The following CELF5 variants were observed in gnomAD, a reference collection of about 807,000 sequenced individuals.
CELF5 encodes CUG-BP and ETR-3 like factor 5.
In CELF5, 6 loss-of-function variants were observed where a neutral mutation model predicts 54.9. The ratio of observed to expected loss-of-function variants is 0.11; its 90% CI spans 0.06 to 0.22. The LOEUF is 0.22. Ranked by LOEUF, CELF5 falls within the 10% of genes least tolerant of loss-of-function variation. The pLI is 1.00. For missense variants in CELF5, 401 were observed against 678.6 expected (o/e 0.59, Z 4.54); for synonymous variants, 271 against 290.9 (o/e 0.93, Z 0.70).
chr19:3,249,787 G>T (rs1011966257), intron 1 of CELF5, among the ~76,000 whole-genome samples: 1 of 152,194 alleles, frequency 6.6e-6, no homozygotes. Flanking sequence ...CAGAGAGGGG[G>T]AGCGCATGAT....
At chr19:3,247,928 A>T (rs1186780336) in intron 1 of CELF5, among the ~76,000 whole-genome samples, 1 of 151,078 alleles carries the variant, frequency 6.6e-6, no homozygotes, top group Non-Finnish European at 1.5e-5. Flanking sequence ...CACCTGGCTA[A>T]TTTTTTTTGT....
chr19:3,251,897 A>G (rs923263473), intron 2 of CELF5, among the ~76,000 whole-genome samples: 3 of 151,096 alleles, frequency 2.0e-5, no homozygotes, highest in Non-Finnish European at 4.4e-5. Flanking sequence ...CTGGTCTCAA[A>G]CTCTTGACCT....
rs1315698503 is a variant in CELF5 at position 3,266,658 on chromosome 19, C to A, written c.343-7214C>A. Among the ~76,000 whole-genome samples, 2 of 152,186 alleles carry A rather than the reference C, an allele frequency of 1.3e-5. 1 individual carries two copies. Among genetic ancestry groups the A allele is most frequent in the Non-Finnish European group, 2.9e-5 (2 of 68,032 alleles). ...ACGTCACACTTCTCTCAAGTGTATC[C>A]CCAGGATCATCAGCCTCTGTGGCTA... On this transcript the variant is annotated intron_variant, in intron 2 of 12. Transcript: ENST00000292672.
rs1028162096 is a variant in CELF5, at chr19:3,268,688, T to C, written c.343-5184T>C. Among the ~76,000 whole-genome samples the C allele has an allele frequency of 9.2e-5, 14 of 152,104 alleles. No individual in the cohort carries two copies. Among genetic ancestry groups the C allele is most frequent in the African/African-American group, 3.4e-4 (14 of 41,418 alleles). Reference sequence around the variant, plus strand: ...GGGAACGGAGGGTCACAAAGCCCAGTGCCCTTGTGCCCCTGCCTCCCACCG... The same window carrying C: ...GGGAACGGAGGGTCACAAAGCCCAGCGCCCTTGTGCCCCTGCCTCCCACCG... On this transcript the variant is annotated intron_variant, in intron 2 of 12. Transcript: ENST00000292672. The surrounding 1 kb of genome is among the most constrained non-coding windows in gnomAD (Gnocchi z 4.4).
intron 3 of CELF5, among the ~76,000 whole-genome samples, chr19:3,274,159 G>A (rs531977833): frequency 8.3e-6 from 1 of 120,330 alleles, no homozygotes; most frequent in East Asian, 3.9e-4. Context: ...CCCAAGGGAG[G>A]ATGGGGGGTC....
chr19:3,271,855 A>G (rs2079970578), intron 2 of CELF5, among the ~76,000 whole-genome samples: 1 of 151,762 alleles, frequency 6.6e-6, no homozygotes, highest in Admixed American at 6.6e-5. Context: ...CTCAGTGGGG[A>G]GACTTTGGGG....
intron 1 of CELF5, among the ~76,000 whole-genome samples, chr19:3,231,706 G>A (rs167487): frequency 1.2e-3 from 165 of 134,996 alleles, no homozygotes; most frequent in African/African-American, 4.1e-3. Context: ...ATGGATGGGC[G>A]GATGAATAGA....
At chr19:3,248,902 C>CT (rs1568337857) in intron 1 of CELF5, among the ~76,000 whole-genome samples, 11 of 122,850 alleles carry the variant, frequency 9.0e-5, no homozygotes, top group East Asian at 8.9e-4. Flanking sequence ...TCCTTCCTTC[C>CT]TTCCTTTCTT....
At chr19:3,291,678 G>A (rs1033628938) in intron 11 of CELF5, among the ~76,000 whole-genome samples, 6 of 151,318 alleles carry the variant, frequency 4.0e-5, no homozygotes, top group Admixed American at 1.3e-4. Context: ...CAAAGACCCC[G>A]AGGCAGGACG....
intron 1 of CELF5, among the ~76,000 whole-genome samples, chr19:3,246,523 G>C (rs938387694): frequency 6.6e-6 from 1 of 151,910 alleles, no homozygotes; most frequent in Non-Finnish European, 1.5e-5. Flanking sequence ...GAGCAACATA[G>C]CAAGACCCCA....
intron 11 of CELF5, 110 bp from the exon 12 acceptor site, chr19:3,293,209 C>T (rs1300542628): frequency 2.1e-5 from 30 of 1,428,104 alleles, no homozygotes; most frequent in Non-Finnish European, 2.7e-5. Flanking sequence ...TGCAGGTGTG[C>T]ACGCAGGCCT....
chr19:3,293,611 C>A (rs1205783064), intron 12 of CELF5, 125 bp downstream of exon 12: 1 of 824,146 alleles, frequency 1.2e-6, no homozygotes, highest in Non-Finnish European at 1.8e-6. Context: ...CTACAAGAAA[C>A]CTCCGGGTTG....
At chr19:3,260,724 G>A (rs371732048) in intron 2 of CELF5, among the ~76,000 whole-genome samples, 1 of 150,230 alleles carries the variant, frequency 6.7e-6, no homozygotes, top group Non-Finnish European at 1.5e-5. Flanking sequence ...CCAGGTTCAC[G>A]CCATTCTCCT....
At chr19:3,240,283 C>T (rs996173526) in intron 1 of CELF5, among the ~76,000 whole-genome samples, 6 of 151,978 alleles carry the variant, frequency 3.9e-5, no homozygotes, top group Non-Finnish European at 8.8e-5. Flanking sequence ...TCCCAAAGTG[C>T]TGGTATTACA....
rs1172705083 is a variant in CELF5 at position 3,278,581 on chromosome 19, T to C, written c.603+471T>C. Among the ~76,000 whole-genome samples the C allele has an allele frequency of 6.6e-6, 1 of 151,910 alleles. No individual in the cohort carries two copies. The highest frequency in any genetic ancestry group is 2.1e-4 in the South Asian group (1 of 4,818). On this transcript the variant is annotated intron_variant, in intron 5 of 12. Transcript: ENST00000292672. The surrounding 1 kb of genome is among the most constrained non-coding windows in gnomAD (Gnocchi z 4.5). Reference sequence around the variant, plus strand: ...GCGTGTGCGTGTATGAGAGTGTACATGTGTGTTTCTATGTGTGTGAGCGTG... The same window carrying C: ...GCGTGTGCGTGTATGAGAGTGTACACGTGTGTTTCTATGTGTGTGAGCGTG...
chr19:3,264,728 C>CT (rs2079858015), intron 2 of CELF5, among the ~76,000 whole-genome samples: 1 of 88,526 alleles, frequency 1.1e-5, no homozygotes, highest in South Asian at 4.0e-4. Flanking sequence ...TTTTTTTTTT[C>CT]TTTTTTGAGA....
chr19:3,256,064 C>CAAAAAAAAAAAAAAAAAA (rs1555720976), intron 2 of CELF5, among the ~76,000 whole-genome samples: 30 of 139,502 alleles, frequency 2.2e-4, no homozygotes, highest in East Asian at 9.8e-4. Flanking sequence ...GACCCTGTCT[C>CAAAAAAAAAAAAAAAAAA]AAAAAAAAAG....
At chr19:3,245,958 C>G (rs1340976239) in intron 1 of CELF5, among the ~76,000 whole-genome samples, 1 of 152,152 alleles carries the variant, frequency 6.6e-6, no homozygotes, top group Non-Finnish European at 1.5e-5. Flanking sequence ...CTAATAGAGC[C>G]CGACATAGGC....
chr19:3,277,325 T>G (rs970347038), intron 4 of CELF5, among the ~76,000 whole-genome samples: 1 of 150,946 alleles, frequency 6.6e-6, no homozygotes, highest in Admixed American at 6.6e-5. Flanking sequence ...ATACAAAAAT[T>G]AGCTGGGCGT....
Sources: gnomAD v4.1 joint callset for allele counts (sites outside exome capture counted in the v4.1 genomes callset) on GRCh38, gnomAD v4.1.1 for gene constraint, Gnocchi (gnomAD v3.1) non-coding constraint, MANE v1.5 for transcripts, NCBI Gene and HGNC (gene_info 2026-07-23, HGNC 2026-07-21) for gene names.